CLEC9A: variants seen among roughly 807,000 people sequenced by gnomAD.
The protein encoded by CLEC9A is C-type lectin domain containing 9A.
A neutral mutation model predicts 30.0 loss-of-function variants in CLEC9A; 24 were observed. The observed-to-expected ratio is 0.80, with a 90% CI of 0.58 to 1.13. The LOEUF is 1.13. Among genes scored for constraint, CLEC9A ranks in the 50% most tolerant of loss-of-function variants. The pLI is 0.00. For synonymous variants in CLEC9A, 111 were observed against 96.8 expected, an observed-to-expected ratio of 1.15 and a Z score of -0.86; for missense variants, 251 against 280.9, an observed-to-expected ratio of 0.89 and a Z score of 0.76.
At chr12:10,044,572 C>G (rs1210239282) in intron 2 of CLEC9A, among the ~76,000 whole-genome samples, 1 of 152,202 alleles carries the variant, frequency 6.6e-6, no homozygotes, top group Non-Finnish European at 1.5e-5. Context: ...CTAGAATGCT[C>G]TGCCTCCACA....
chr12:10,053,962 T>C (rs1865917373), intron 4 of CLEC9A, among the ~76,000 whole-genome samples: 2 of 152,196 alleles, frequency 1.3e-5, no homozygotes, highest in South Asian at 4.1e-4. Context: ...AAAAGATTGT[T>C]GGAAAAGAAT....
intron 2 of CLEC9A, among the ~76,000 whole-genome samples, chr12:10,048,327 G>A (rs913836732): frequency 2.7e-5 from 4 of 149,166 alleles, no homozygotes; most frequent in African/African-American, 5.0e-5. Flanking sequence ...AGCCGAGATC[G>A]CGACACTACA....
chr12:10,038,928 G>A (rs114388016), intron 1 of CLEC9A, among the ~76,000 whole-genome samples: 3,726 of 151,720 alleles, frequency 0.025, 80 homozygotes, highest in African/African-American at 0.086. Flanking sequence ...TGGGGATGAG[G>A]ATGGATGTGT....
At chr12:10,055,693 C>T (rs1263935397) in intron 5 of CLEC9A, among the ~76,000 whole-genome samples, 1 of 151,970 alleles carries the variant, frequency 6.6e-6, no homozygotes, top group East Asian at 1.9e-4. Flanking sequence ...AATCTATAGT[C>T]TCCAATTGCC....
intron 1 of CLEC9A, among the ~76,000 whole-genome samples, chr12:10,034,135 A>G (rs1315559897): frequency 8.5e-5 from 13 of 152,150 alleles, no homozygotes; most frequent in Admixed American, 8.5e-4. Context: ...CTGGATCAAC[A>G]CTTACTTGCC....
chr12:10,049,677 C>G (rs1051555775), intron 2 of CLEC9A, among the ~76,000 whole-genome samples: 2 of 152,162 alleles, frequency 1.3e-5, no homozygotes, highest in Non-Finnish European at 2.9e-5. Flanking sequence ...TCTCACTCAT[C>G]ACAGAATTGA....
intron 2 of CLEC9A, chr12:10,043,112 C>CT (rs561318614): frequency 8.9e-3 from 2,133 of 238,882 alleles, no homozygotes; most frequent in South Asian, 0.02. Flanking sequence ...TGTAATCCAA[C>CT]TTTTTTTTTT....
chr12:10,034,231 G>A (rs1030072356), intron 1 of CLEC9A, among the ~76,000 whole-genome samples: 3 of 152,156 alleles, frequency 2.0e-5, no homozygotes, highest in African/African-American at 7.2e-5. Flanking sequence ...TACCACAAAT[G>A]TAACTGATAA....
chr12:10,048,657 C>T (rs749002313), intron 2 of CLEC9A, among the ~76,000 whole-genome samples: 11 of 152,246 alleles, frequency 7.2e-5, no homozygotes, highest in Non-Finnish European at 1.5e-4. Context: ...AGCAGCTCCT[C>T]ATCTGTTCAA....
chr12:10,033,107 T>C (rs763255265), intron 1 of CLEC9A, among the ~76,000 whole-genome samples: 12 of 152,108 alleles, frequency 7.9e-5, no homozygotes, highest in Non-Finnish European at 4.4e-5. Flanking sequence ...AAAAAGATTA[T>C]TCCCTTTTCA....
intron 1 of CLEC9A, among the ~76,000 whole-genome samples, chr12:10,038,124 C>G (rs1355590470): frequency 6.6e-6 from 1 of 151,986 alleles, no homozygotes; most frequent in East Asian, 1.9e-4. Flanking sequence ...AACTCAGTGA[C>G]AAAAATGGGT....
Position 10,041,478 on chromosome 12 carries a change from G to T in CLEC9A, c.-305G>T. 2.3e-6 allele frequency: 1 copy of T among 438,990 alleles called. No homozygotes were observed. Among genetic ancestry groups the T allele is most frequent in the South Asian group, 1.9e-5 (1 of 52,934 alleles). The allele number at this position is 438,990 out of a possible 1,614,324, so 27.2% of individuals were successfully genotyped here. ...TTGGTTTCTCCAGGTGACTATAAAC[G>T]CAGCCCCTGTGATGCCAACTGGACA... On this transcript the variant is annotated 5_prime_UTR_variant, in exon 2 of 9. Transcript: ENST00000355819.
intron 5 of CLEC9A, 99 bp downstream of exon 5, chr12:10,054,450 TAA>T: frequency 2.7e-6 from 2 of 754,702 alleles, no homozygotes; most frequent in Non-Finnish European, 4.2e-6. Flanking sequence ...TGAATGCACA[TAA>T]ATGATATAAA....
intron 8 of CLEC9A, 133 bp downstream of exon 8, chr12:10,064,986 T>A: frequency 9.4e-7 from 1 of 1,061,330 alleles, no homozygotes; most frequent in Non-Finnish European, 1.3e-6. Flanking sequence ...TAATTGGGAT[T>A]AAAGCTAACA....
At position 10,064,775 on chromosome 12, in the gene CLEC9A, A is replaced by T; in HGVS notation, c.515A>T (p.Asp172Val). Reference sequence around the variant, plus strand: ...TTGAGGAAGATTAAAGGAAGCTATGATTACTGGGTGGGGTTGTCTCAGGAT... The same window carrying T: ...TTGAGGAAGATTAAAGGAAGCTATGTTTACTGGGTGGGGTTGTCTCAGGAT... The part of the protein sequence containing the change: ...GSLRKIKGSY[D>V]YWVGLSQDGH... The change falls in exon 8 of 9, where the codon GAT becomes GTT. Residue 172 changes from aspartate to valine, a missense_variant. Coordinates refer to ENST00000355819, the MANE Select transcript of CLEC9A (RefSeq NM_207345.4). 6.2e-7 allele frequency: 1 copy of T among 1,612,764 alleles called. No homozygotes were observed. The highest frequency in any genetic ancestry group is 1.7e-4 in the Middle Eastern group (1 of 6,052).
chr12:10,045,131 T>C (rs7302374), intron 2 of CLEC9A, among the ~76,000 whole-genome samples: 3,563 of 152,276 alleles, frequency 0.023, 145 homozygotes, highest in African/African-American at 0.082. Context: ...TGCAGCTCTT[T>C]GTCCTGTTCA....
At chr12:10,054,395 A>G (rs367870096) in intron 5 of CLEC9A, 44 bp downstream of exon 5, 17 of 1,207,870 alleles carry the variant, frequency 1.4e-5, no homozygotes, top group Non-Finnish European at 2.0e-5. Context: ...ATCGTTATAT[A>G]TAAAACTTCA....
At chr12:10,053,291 C>T (rs753931547) in intron 4 of CLEC9A, among the ~76,000 whole-genome samples, 7 of 152,126 alleles carry the variant, frequency 4.6e-5, no homozygotes, top group Non-Finnish European at 7.4e-5. Flanking sequence ...TATCTTAGGG[C>T]TCTAGATGTC....
intron 5 of CLEC9A, 97 bp downstream of exon 5, chr12:10,054,448 C>G: frequency 1.3e-6 from 1 of 770,014 alleles, no homozygotes. Flanking sequence ...TGTGAATGCA[C>G]ATAAATGATA....
Sources: gnomAD v4.1 joint callset for allele counts (sites outside exome capture counted in the v4.1 genomes callset) on GRCh38, gnomAD v4.1.1 for gene constraint, MANE v1.5 for transcripts, NCBI Gene and HGNC (gene_info 2026-07-23, HGNC 2026-07-21) for gene names.